FAM149B1: variants seen among roughly 807,000 people sequenced by gnomAD.
FAM149B1 encodes family with sequence similarity 149 member B1, also known as primary cilium assembly protein FAM149B1.
Under a neutral mutation model 75.3 loss-of-function variants are expected in FAM149B1, and 56 were observed. The observed-to-expected ratio is 0.74, with a 90% CI of 0.60 to 0.93. FAM149B1 has a LOEUF of 0.93. Among genes scored for constraint, FAM149B1 ranks in the 40% least tolerant of loss-of-function variants. The pLI, the probability that FAM149B1 is intolerant of heterozygous loss-of-function variation, is 0.00. For synonymous variants in FAM149B1, 259 were observed against 256.1 expected (o/e 1.01, Z -0.11); for missense variants, 639 against 708.4 (o/e 0.90, Z 1.11).
chr10:73,185,018 G>C (rs2042486893), intron 3 of FAM149B1, among the ~76,000 whole-genome samples: 1 of 152,050 alleles, frequency 6.6e-6, no homozygotes, highest in Non-Finnish European at 1.5e-5. Context: ...AAAGAAGAGA[G>C]ATTGACATGA....
chr10:73,239,686 C>T (rs1302288783), intron 13 of FAM149B1, among the ~76,000 whole-genome samples: 1 of 150,878 alleles, frequency 6.6e-6, no homozygotes, highest in African/African-American at 2.4e-5. Context: ...AAGTTCAACC[C>T]AAATTAGTCC....
intron 8 of FAM149B1, among the ~76,000 whole-genome samples, chr10:73,229,135 A>G (rs141892065): frequency 7.6e-4 from 116 of 152,356 alleles, no homozygotes; most frequent in African/African-American, 2.5e-3. Context: ...GAGTCTGAAC[A>G]AGCACAAAGA....
At chr10:73,183,121 G>A (rs993038439) in intron 3 of FAM149B1, among the ~76,000 whole-genome samples, 10 of 152,320 alleles carry the variant, frequency 6.6e-5, no homozygotes, top group Admixed American at 6.5e-4. Context: ...AGAGACGAGA[G>A]TTCAGGGTAG....
chr10:73,191,397 C>T (rs951393456), intron 3 of FAM149B1, among the ~76,000 whole-genome samples: 2 of 148,884 alleles, frequency 1.3e-5, no homozygotes. Context: ...AGTGCAATAG[C>T]ACAATCTCGG....
At chr10:73,216,468 G>A (rs1253817484) in intron 7 of FAM149B1, among the ~76,000 whole-genome samples, 2 of 150,968 alleles carry the variant, frequency 1.3e-5, no homozygotes, top group Non-Finnish European at 2.9e-5. Context: ...TATAAATTAT[G>A]TTTCTTTTTC....
intron 8 of FAM149B1, among the ~76,000 whole-genome samples, chr10:73,229,604 C>T (rs1156919406): frequency 1.3e-5 from 2 of 152,164 alleles, no homozygotes; most frequent in South Asian, 2.1e-4. Context: ...TATGAAGGCT[C>T]GTAAGTCACC....
chr10:73,226,159 A>T (rs559316010), intron 7 of FAM149B1, among the ~76,000 whole-genome samples: 8 of 151,268 alleles, frequency 5.3e-5, no homozygotes, highest in Non-Finnish European at 1.2e-4. Flanking sequence ...TAGTTTGCCA[A>T]CCCTGCTCTA....
At position 73,244,217 on chromosome 10, in the gene FAM149B1, C is replaced by T. The variant is rs527789421; in HGVS notation, c.*3198C>T. On this transcript the variant is annotated 3_prime_UTR_variant, in exon 14 of 14. Transcript: ENST00000242505. The stretch of plus-strand genomic sequence containing the variant: ...ATGATGATAAAAAGGAACATGAGGC[C>T]GGGTATGGTGGCTCACAACTGTAAT... 45 of 356,020 alleles carry T rather than the reference C, an allele frequency of 1.3e-4. No individual in the cohort carries two copies. The highest frequency in any genetic ancestry group is 6.1e-4 in the African/African-American group (28 of 46,016). The allele number at this position is 356,020 out of a possible 1,614,324, so 22.1% of individuals were successfully genotyped here. A position where few individuals can be genotyped will look rare whatever the true frequency, so the allele number is the denominator to read the frequency against.
At chr10:73,193,623 T>A in intron 5 of FAM149B1, 30 bp downstream of exon 5, 1 of 1,543,876 alleles carries the variant, frequency 6.5e-7, no homozygotes, top group Non-Finnish European at 8.7e-7. Flanking sequence ...AGTACTTCAA[T>A]GTGCCCTAAT....
At chr10:73,201,047 A>G (rs1277700994) in intron 5 of FAM149B1, 2 of 325,066 alleles carry the variant, frequency 6.2e-6, no homozygotes, top group East Asian at 1.5e-4. Flanking sequence ...GTTATAAACT[A>G]TGATCTACCT....
At chr10:73,238,719 T>G (rs1199183683) in intron 12 of FAM149B1, 5 of 152,222 alleles carry the variant, frequency 3.3e-5, no homozygotes, top group Admixed American at 2.6e-4. Context: ...TTCAGTGCTC[T>G]CTCAAGGGAA....
chr10:73,223,557 G>A (rs962678306), intron 7 of FAM149B1, among the ~76,000 whole-genome samples: 5 of 152,070 alleles, frequency 3.3e-5, no homozygotes, highest in Admixed American at 6.5e-5. Context: ...CTAGGTCAGA[G>A]GATATGCTAT....
At chr10:73,186,698 G>C (rs1262837162) in intron 3 of FAM149B1, among the ~76,000 whole-genome samples, 1 of 152,156 alleles carries the variant, frequency 6.6e-6, no homozygotes, top group African/African-American at 2.4e-5. Context: ...TTATTATTCA[G>C]CCATAAAAAT....
intron 5 of FAM149B1, among the ~76,000 whole-genome samples, chr10:73,207,565 CAAAAA>C (rs1227753705): frequency 6.8e-6 from 1 of 147,164 alleles, no homozygotes; most frequent in Non-Finnish European, 1.5e-5. Context: ...CTCTGTCTCT[CAAAAA>C]AGAAAAAAAA....
intron 1 of FAM149B1, among the ~76,000 whole-genome samples, chr10:73,172,659 T>C (rs1238736390): frequency 6.6e-6 from 1 of 152,176 alleles, no homozygotes; most frequent in Admixed American, 6.6e-5. Context: ...CATATATTGA[T>C]TGACCCCATA....
At position 73,168,313 on chromosome 10, in the gene FAM149B1, A is replaced by G; in HGVS notation, c.-27A>G. 1 of 1,472,280 alleles carries G rather than the reference A, an allele frequency of 6.8e-7. No homozygotes were observed. The highest frequency in any genetic ancestry group is 1.3e-5 in the South Asian group (1 of 79,610). The allele number at this position is 1,472,280 out of a possible 1,614,324, so 91.2% of individuals were successfully genotyped here. A position where few individuals can be genotyped will look rare whatever the true frequency, so the allele number is the denominator to read the frequency against. On this transcript the variant is annotated 5_prime_UTR_variant, in exon 1 of 14. Coordinates refer to ENST00000242505, the MANE Select transcript of FAM149B1 (RefSeq NM_173348.2). ...GTGCCTGCCCCGGCCGCGGCTGAGG[A>G]GGAGGAGGAGGAGGAGGAGGAGGAG...
rs532386900 is a variant in FAM149B1, at chr10:73,188,679, C to G, written c.283-3877C>G. 7.4e-5 allele frequency among the ~76,000 whole-genome samples: 11 copies of G among 147,946 alleles called. No individual in the cohort carries two copies. The South Asian group carries it at 2.4e-3, about 32-fold the overall frequency. ...GAGGTTGCAGTGAGGTGCAGGAGGTCGTGCCACTGCACTCCAGCCTGGGCG... is the reference window on the plus strand; with the variant it reads ...GAGGTTGCAGTGAGGTGCAGGAGGTGGTGCCACTGCACTCCAGCCTGGGCG... On this transcript the variant is annotated intron_variant, in intron 3 of 13. Coordinates refer to ENST00000242505, the MANE Select transcript of FAM149B1 (RefSeq NM_173348.2).
intron 7 of FAM149B1, among the ~76,000 whole-genome samples, chr10:73,214,261 C>T (rs2043249143): frequency 1.3e-5 from 2 of 152,298 alleles, no homozygotes; most frequent in South Asian, 2.1e-4. Flanking sequence ...CATCAGCAAA[C>T]AGGGCAATTT....
At chr10:73,235,150 C>T in intron 11 of FAM149B1, 43 bp from the exon 12 acceptor site, 1 of 1,546,896 alleles carries the variant, frequency 6.5e-7, no homozygotes, top group South Asian at 1.2e-5. Flanking sequence ...TACCACATTA[C>T]AGATAGTTTT....
Sources: gnomAD v4.1 joint callset for allele counts (sites outside exome capture counted in the v4.1 genomes callset) on GRCh38, gnomAD v4.1.1 for gene constraint, MANE v1.5 for transcripts, NCBI Gene and HGNC (gene_info 2026-07-23, HGNC 2026-07-21) for gene names.